MFHAS1: variants seen among roughly 807,000 people sequenced by gnomAD.
MFHAS1 encodes the protein multifunctional ROCO family signaling regulator 1.
Under a neutral mutation model 70.4 loss-of-function variants are expected in MFHAS1, and 50 were observed. That is an observed-to-expected ratio of 0.71 (90% CI 0.57 to 0.90). MFHAS1 has a LOEUF of 0.90. MFHAS1 is among the 40% of genes least tolerant of loss of function. MFHAS1 has a pLI of 0.00. For synonymous variants in MFHAS1, 952 were observed against 620.0 expected (o/e 1.54, Z -7.96); for missense variants, 1,795 against 1,347.6 (o/e 1.33, Z -5.20).
intron 1 of MFHAS1, among the ~76,000 whole-genome samples, chr8:8,887,240 T>C (rs1791028793): frequency 6.6e-6 from 1 of 152,226 alleles, no homozygotes; most frequent in African/African-American, 2.4e-5. Context: ...ATGAATCTAT[T>C]TTTAATGTAT....
intron 2 of MFHAS1, 100 bp downstream of exon 2, chr8:8,797,265 G>A: frequency 7.1e-7 from 1 of 1,410,800 alleles, no homozygotes; most frequent in African/African-American, 1.4e-5. Flanking sequence ...GACTTTGCAA[G>A]GTTTGTGCAG....
At chr8:8,855,698 A>G (rs1166018180) in intron 1 of MFHAS1, among the ~76,000 whole-genome samples, 2 of 152,064 alleles carry the variant, frequency 1.3e-5, no homozygotes, top group Non-Finnish European at 2.9e-5. Flanking sequence ...TCTACTAAAA[A>G]TACAAAATTT....
At chr8:8,853,993 T>C (rs1158513116) in intron 1 of MFHAS1, among the ~76,000 whole-genome samples, 1 of 152,244 alleles carries the variant, frequency 6.6e-6, no homozygotes, top group Non-Finnish European at 1.5e-5. Flanking sequence ...ACCAACTCCA[T>C]GAACACCTTG....
chr8:8,840,969 C>T (rs1426883849), intron 1 of MFHAS1, among the ~76,000 whole-genome samples: 1 of 152,164 alleles, frequency 6.6e-6, no homozygotes, highest in African/African-American at 2.4e-5. Flanking sequence ...ACAAGGCACA[C>T]AAACTATGAC....
At chr8:8,863,888 G>A (rs1241077855) in intron 1 of MFHAS1, among the ~76,000 whole-genome samples, 2 of 152,174 alleles carry the variant, frequency 1.3e-5, no homozygotes, top group Admixed American at 6.5e-5. Flanking sequence ...AGGGCTCCCA[G>A]ATATCAAGGA....
rs1755324742 is a variant in MFHAS1 at position 8,891,664 on chromosome 8, G to A, written c.1395C>T (p.Ala465=). The A allele has an allele frequency of 3.1e-6, 5 of 1,613,558 alleles. No individual in the cohort carries two copies. The highest frequency in any genetic ancestry group is 1.7e-5 in the Admixed American group (1 of 60,032). ...SKGIEVTSWT[A]DASRGLRFIV... ...TGAACCGCAGGCCCCGGGAGGCATC[G>A]GCCGTCCAGCTGGTCACCTCGATGC... Residue 465 remains alanine (A), a synonymous_variant, in exon 1 of 3, where the codon GCC becomes GCT. Coordinates refer to ENST00000276282, the MANE Select transcript of MFHAS1 (RefSeq NM_004225.3). The surrounding 1 kb of genome is among the most constrained non-coding windows in gnomAD (Gnocchi z 5.4).
At chr8:8,810,032 C>T (rs542638020) in intron 1 of MFHAS1, among the ~76,000 whole-genome samples, 1 of 152,170 alleles carries the variant, frequency 6.6e-6, no homozygotes, top group Non-Finnish European at 1.5e-5. Flanking sequence ...ATCTACCTGA[C>T]TTTGAAGTAC....
intron 1 of MFHAS1, among the ~76,000 whole-genome samples, chr8:8,799,425 G>A (rs995810319): frequency 6.6e-6 from 1 of 152,200 alleles, no homozygotes; most frequent in Non-Finnish European, 1.5e-5. Context: ...CACTGTATCT[G>A]CTGACGTATA....
intron 1 of MFHAS1, among the ~76,000 whole-genome samples, chr8:8,834,845 G>A (rs1398858419): frequency 1.3e-5 from 2 of 152,182 alleles, no homozygotes; most frequent in African/African-American, 4.8e-5. Context: ...AGGGCCCCCA[G>A]TGAACTCACA....
At chr8:8,787,329 C>A (rs898728305) in intron 2 of MFHAS1, among the ~76,000 whole-genome samples, 2 of 152,182 alleles carry the variant, frequency 1.3e-5, no homozygotes, top group East Asian at 3.8e-4. Flanking sequence ...ATCCGCCCAC[C>A]TTGGCCTCCC....
At chr8:8,877,949 A>C (rs2116922607) in intron 1 of MFHAS1, among the ~76,000 whole-genome samples, 1 of 152,302 alleles carries the variant, frequency 6.6e-6, no homozygotes, top group Middle Eastern at 3.4e-3. Flanking sequence ...GGCCTGCTGA[A>C]GTCTTTGTCT....
At chr8:8,879,431 G>C (rs961027361) in intron 1 of MFHAS1, among the ~76,000 whole-genome samples, 4 of 152,118 alleles carry the variant, frequency 2.6e-5, no homozygotes, top group Admixed American at 1.3e-4. Flanking sequence ...AGTTTTTAGA[G>C]ATCCTCATAT....
At chr8:8,880,929 C>A (rs971050256) in intron 1 of MFHAS1, among the ~76,000 whole-genome samples, 1 of 152,114 alleles carries the variant, frequency 6.6e-6, no homozygotes, top group African/African-American at 2.4e-5. Context: ...AAGTGATCCA[C>A]CTCCTCAGCC....
Position 8,833,369 on chromosome 8 carries a change from C to T in MFHAS1, c.2999-35878G>A, listed in dbSNP as rs1315208389. 2.6e-5 allele frequency among the ~76,000 whole-genome samples: 4 copies of T among 152,152 alleles called. No homozygotes were observed. The South Asian group carries it at 8.3e-4, about 32-fold the overall frequency. On this transcript the variant is annotated intron_variant, in intron 1 of 2. Coordinates refer to ENST00000276282, the MANE Select transcript of MFHAS1 (RefSeq NM_004225.3). Reference sequence around the variant, plus strand: ...CATGGGCTGAGTGCAGTGATTCATGCCATAATCCTAACATATGGAGAGGCG... The same window carrying T: ...CATGGGCTGAGTGCAGTGATTCATGTCATAATCCTAACATATGGAGAGGCG...
Position 8,784,497 on chromosome 8 carries a change from T to C in MFHAS1, c.*1525A>G, listed in dbSNP as rs1257599912. The C allele has an allele frequency of 6.6e-6, 1 of 152,226 alleles. No homozygotes were observed. Among genetic ancestry groups the C allele is most frequent in the Non-Finnish European group, 1.5e-5 (1 of 68,034 alleles). 9.4% of individuals were successfully genotyped at this position (152,226 alleles called of 1,614,324 possible). A position where few individuals can be genotyped will look rare whatever the true frequency, so the allele number is the denominator to read the frequency against. ...TCTGAACTGCAGGTTCTGGAGTCAG[T>C]GAAATTAATGCCTGGGGCACAAAAT... is the stretch of plus-strand genomic sequence containing the variant. On this transcript the variant is annotated 3_prime_UTR_variant, in exon 3 of 3. Transcript: ENST00000276282.
intron 2 of MFHAS1, chr8:8,790,520 A>T: frequency 6.3e-6 from 2 of 317,134 alleles, no homozygotes; most frequent in Non-Finnish European, 9.1e-6. Flanking sequence ...CTAGCTTGTT[A>T]AAACAGCAAG....
intron 1 of MFHAS1, among the ~76,000 whole-genome samples, chr8:8,855,288 T>C (rs1044873837): frequency 3.9e-5 from 6 of 152,152 alleles, no homozygotes; most frequent in Non-Finnish European, 8.8e-5. Flanking sequence ...CTTAACATTG[T>C]ATTAGGACAA....
intron 1 of MFHAS1, among the ~76,000 whole-genome samples, chr8:8,872,653 G>A (rs1809122393): frequency 6.6e-6 from 1 of 152,144 alleles, no homozygotes; most frequent in Non-Finnish European, 1.5e-5. Flanking sequence ...GTCTGGGAGA[G>A]GTTAACACAC....
chr8:8,798,320 A>T (rs1805977131), intron 1 of MFHAS1, among the ~76,000 whole-genome samples: 1 of 152,102 alleles, frequency 6.6e-6, no homozygotes, highest in Non-Finnish European at 1.5e-5. Context: ...AAACCTAGGA[A>T]CTAAATTTTT....
Sources: allele counts gnomAD v4.1 joint callset (sites outside exome capture counted in the v4.1 genomes callset), GRCh38; gene constraint gnomAD v4.1.1; non-coding constraint Gnocchi (gnomAD v3.1); transcripts MANE v1.5; gene names NCBI Gene and HGNC (gene_info 2026-07-23, HGNC 2026-07-21).